OTOG: variants seen among roughly 807,000 people sequenced by gnomAD.
OTOG encodes otogelin.
OTOG carries 296 observed loss-of-function variants against 313.8 expected under a neutral mutation model. The ratio of observed to expected loss-of-function variants is 0.94; its 90% CI spans 0.86 to 1.04. The LOEUF (loss-of-function observed/expected upper bound fraction) is 1.04, where lower values mean the gene tolerates loss of function less well. OTOG is among the 50% of genes least tolerant of loss of function. The pLI is 0.00. For synonymous variants in OTOG, 1,533 were observed against 1,554.9 expected, an observed-to-expected ratio of 0.99 and a Z score of 0.33; for missense variants, 3,948 against 3,840.1, an observed-to-expected ratio of 1.03 and a Z score of -0.74.
At chr11:17,620,115 C>T (rs1175724287) in intron 39 of OTOG, among the ~76,000 whole-genome samples, 2 of 152,158 alleles carry the variant, frequency 1.3e-5, no homozygotes, top group Non-Finnish European at 2.9e-5. Context: ...TAAAATTAAG[C>T]ATTTTAAAGT....
chr11:17,636,158 A>G (rs960635055), intron 47 of OTOG, among the ~76,000 whole-genome samples: 1 of 152,226 alleles, frequency 6.6e-6, no homozygotes, highest in African/African-American at 2.4e-5. Flanking sequence ...GTAATTATAA[A>G]TAAAAGTATG....
At chr11:17,620,061 C>T (rs539471725) in intron 39 of OTOG, among the ~76,000 whole-genome samples, 7 of 152,168 alleles carry the variant, frequency 4.6e-5, no homozygotes, top group Middle Eastern at 3.4e-3. Flanking sequence ...CTTTATAAGA[C>T]GTTGCTCCTG....
intron 49 of OTOG, among the ~76,000 whole-genome samples, chr11:17,639,896 A>AGGGTGGTGGTGATGGTGAGGATGG (rs1847933636): frequency 7.8e-6 from 1 of 128,316 alleles, no homozygotes; most frequent in African/African-American, 3.5e-5. Context: ...GGTGAGGATG[A>AGGGTGGTGGTGATGGTGAGGATGG]TGGTGGTGGT....
At position 17,640,632 on chromosome 11, in the gene OTOG, C is replaced by T. The variant is rs7933072; in HGVS notation, c.7936-113C>T. The T allele has an allele frequency of 8.7e-3, 10,180 of 1,175,304 alleles. 619 individuals are homozygous for T. The African/African-American group carries it at 0.13, about 15-fold the overall frequency. The allele number at this position is 1,175,304 out of a possible 1,614,324, so 72.8% of individuals were successfully genotyped here. ...AGGGGCCCCAGGCCTGCCAGCCCCCCTCCTGCCCACCACAGGGAGGGACTG... is the reference window on the plus strand; with the variant it reads ...AGGGGCCCCAGGCCTGCCAGCCCCCTTCCTGCCCACCACAGGGAGGGACTG... On this transcript the variant is annotated intron_variant, in intron 49 of 55. Coordinates refer to ENST00000399397, the MANE Select transcript of OTOG (RefSeq NM_001292063.2).
chr11:17,633,516 T>C (rs938066246), intron 42 of OTOG, among the ~76,000 whole-genome samples, 164 bp from the exon 43 acceptor site: 2 of 152,192 alleles, frequency 1.3e-5, no homozygotes, highest in Non-Finnish European at 2.9e-5. Flanking sequence ...AGTCCTGATC[T>C]AAGGAAGGAG....
At chr11:17,594,000 A>T (rs1249039084) in intron 27 of OTOG, 47 bp from the exon 28 acceptor site, 1 of 1,549,406 alleles carries the variant, frequency 6.5e-7, no homozygotes, top group East Asian at 2.4e-5. Flanking sequence ...CCCGTGGCTC[A>T]CCTCTGGCAG....
chr11:17,645,699 G>T, intron 55 of OTOG, 45 bp from the exon 56 acceptor site: 1 of 1,550,692 alleles, frequency 6.4e-7, no homozygotes. Context: ...AGGGGGTTTG[G>T]GGGTGTGAGC....
In OTOG at chr11:17,634,135, G is replaced by A; in HGVS notation, c.7334G>A (p.Cys2445Tyr). The change falls in exon 44 of 56, where the codon TGC becomes TAC. Residue 2445 changes from cysteine (C) to tyrosine (Y), a missense_variant. Physicochemically the swap from Cys to Tyr is radical, Grantham distance 194. Transcript: ENST00000399397. The part of the protein sequence containing the change: ...GETWNSSLSG[C>Y]CQHQCQAPDT... The stretch of plus-strand genomic sequence containing the variant: ...ACCTGGAACAGCTCCCTCAGCGGCT[G>A]CTGCCAGCACCAGTGCCAAGCCCCA... 1 of 1,549,496 alleles carries A rather than the reference G, an allele frequency of 6.5e-7. No homozygotes were observed. The highest frequency in any genetic ancestry group is 8.7e-7 in the Non-Finnish European group (1 of 1,146,924).
At chr11:17,547,884 A>G in intron 1 of OTOG, 43 bp from the exon 2 acceptor site, 1 of 445,038 alleles carries the variant, frequency 2.2e-6, no homozygotes, top group South Asian at 6.6e-5. Context: ...AGGCCCCAGT[A>G]AAGACAAGCA....
intron 11 of OTOG, among the ~76,000 whole-genome samples, 176 bp downstream of exon 11, chr11:17,559,337 T>G (rs1164112179): frequency 6.6e-6 from 1 of 152,198 alleles, no homozygotes; most frequent in Admixed American, 6.5e-5. Context: ...GGAGCTAGCC[T>G]GGGTGATTCT....
intron 38 of OTOG, among the ~76,000 whole-genome samples, chr11:17,613,393 C>T (rs1189525330): frequency 7.4e-6 from 1 of 135,846 alleles, no homozygotes; most frequent in East Asian, 2.0e-4. Context: ...TCCTTCCTTC[C>T]TTCCTTTTTT....
Position 17,593,730 on chromosome 11 carries a change from C to T in OTOG, c.3262C>T (p.His1088Tyr), listed in dbSNP as rs1367217080. 2.7e-5 allele frequency: 42 copies of T among 1,548,606 alleles called. No homozygotes were observed. Among genetic ancestry groups the T allele is most frequent in the Admixed American group, 1.2e-4 (6 of 50,992 alleles). ...TLLWDQRTTV[H>Y]VQAGPQWQGQ... ...CTTGTGGGACCAGAGAACCACAGTG[C>T]ACGTCCAGGCTGGGCCTCAGTGGCA... The change falls in exon 27 of 56, where the codon CAC (histidine) becomes TAC (tyrosine). Residue 1088 changes from histidine to tyrosine, a missense_variant. Transcript: ENST00000399397.
intron 33 of OTOG, among the ~76,000 whole-genome samples, chr11:17,607,301 G>A (rs964516283): frequency 2.6e-5 from 4 of 152,170 alleles, no homozygotes; most frequent in Admixed American, 6.5e-5. Context: ...AGCCTGCTTC[G>A]GAGCCTACCC....
At chr11:17,612,088 T>C (rs1454795009) in intron 36 of OTOG, 74 bp from the exon 37 acceptor site, 2 of 1,510,992 alleles carry the variant, frequency 1.3e-6, no homozygotes, top group East Asian at 2.5e-5. Flanking sequence ...GGGAAGGATC[T>C]GGTGCCATCA....
intron 11 of OTOG, 141 bp from the exon 12 acceptor site, chr11:17,559,393 A>G (rs1852128676): frequency 1.7e-6 from 2 of 1,184,594 alleles, no homozygotes; most frequent in Non-Finnish European, 2.3e-6. Flanking sequence ...TTTCCTGGGC[A>G]CCCAATGCTC....
Position 17,561,778 on chromosome 11 carries a change from G to A in OTOG, c.1615G>A (p.Val539Met), listed in dbSNP as rs556550974. 79 of 1,550,458 alleles carry A rather than the reference G, an allele frequency of 5.1e-5. No homozygotes were observed. The highest frequency in any genetic ancestry group is 3.7e-4 in the African/African-American group (27 of 73,126). The part of the protein sequence containing the change: ...AKSRSSGTFT[V>M]TLQNAPCGLN... ...GAGCCGCTCTTCGGGCACCTTCACCGTGACATTGCAGAATGCCCCATGTGG... is the reference window on the plus strand; with the variant it reads ...GAGCCGCTCTTCGGGCACCTTCACCATGACATTGCAGAATGCCCCATGTGG... The change falls in exon 15 of 56, where the codon GTG (valine) becomes ATG (methionine). Residue 539 changes from valine (V) to methionine (M), a missense_variant. Coordinates refer to ENST00000399397, the MANE Select transcript of OTOG (RefSeq NM_001292063.2).
Position 17,646,018 on chromosome 11 carries a change from G to A in OTOG, c.*74G>A. The A allele has an allele frequency of 7.1e-7, 1 of 1,413,234 alleles. No individual in the cohort carries two copies. Among genetic ancestry groups the A allele is most frequent in the South Asian group, 1.2e-5 (1 of 80,720 alleles). 87.5% of individuals were successfully genotyped at this position (1,413,234 alleles called of 1,614,324 possible). On this transcript the variant is annotated 3_prime_UTR_variant, in exon 56 of 56. Coordinates refer to ENST00000399397, the MANE Select transcript of OTOG (RefSeq NM_001292063.2). ...TGTTTCCAGCTGGCCCAATGTGAAT[G>A]GGGGTATTAAAGGTGGTAGAAATCT...
chr11:17,645,840 G>A lies in OTOG; in HGVS notation c.8638G>A (p.Val2880Met), dbSNP rs1185844355. 8 of 1,550,878 alleles carry A rather than the reference G, an allele frequency of 5.2e-6. No individual in the cohort carries two copies. The highest frequency in any genetic ancestry group is 4.1e-5 in the African/African-American group (3 of 73,046). The change falls in exon 56 of 56, where the codon GTG becomes ATG. Residue 2880 changes from valine (V) to methionine (M), a missense_variant. By Grantham distance (21) the Val-to-Met change is conservative. Transcript: ENST00000399397. Reference protein sequence around the residue: ...YARFCKCCREVGLQRRSVQLF... With the variant: ...YARFCKCCREMGLQRRSVQLF... ...CCGATTCTGCAAGTGCTGCCGTGAGGTGGGCCTGCAGCGGCGCTCTGTGCA... is the reference window on the plus strand; with the variant it reads ...CCGATTCTGCAAGTGCTGCCGTGAGATGGGCCTGCAGCGGCGCTCTGTGCA...
intron 48 of OTOG, 28 bp from the exon 49 acceptor site, chr11:17,639,395 G>A: frequency 1.3e-6 from 2 of 1,550,532 alleles, no homozygotes; most frequent in Non-Finnish European, 1.7e-6. Flanking sequence ...CCCTGATGAA[G>A]TGGGGCCTGG....
Sources: allele counts gnomAD v4.1 joint callset (sites outside exome capture counted in the v4.1 genomes callset), GRCh38; gene constraint gnomAD v4.1.1; transcripts MANE v1.5; gene names NCBI Gene and HGNC (gene_info 2026-07-23, HGNC 2026-07-21).